Variants in CSPP1 observed in about 807,000 individuals in gnomAD.
The protein encoded by CSPP1 is centrosome and spindle pole-associated protein 1.
Under a neutral mutation model 164.4 loss-of-function variants are expected in CSPP1, and 126 were observed. That is an observed-to-expected ratio of 0.77 (90% confidence interval 0.66 to 0.89). CSPP1 has a LOEUF of 0.89. Ranked by LOEUF, CSPP1 falls within the 40% of genes least tolerant of loss-of-function variation. CSPP1 has a pLI of 0.00. For missense variants in CSPP1, 1,395 were observed against 1,449.8 expected (o/e 0.96, Z 0.61); for synonymous variants, 472 against 476.7 (o/e 0.99, Z 0.13).
chr8:67,076,747 G>T (rs1413104575), intron 3 of CSPP1, among the ~76,000 whole-genome samples, 166 bp downstream of exon 3: 1 of 152,148 alleles, frequency 6.6e-6, no homozygotes, highest in Non-Finnish European at 1.5e-5. Flanking sequence ...AACTCATACT[G>T]AAAACTTTGT....
At chr8:67,121,326 G>C (rs1818930471) in intron 15 of CSPP1, among the ~76,000 whole-genome samples, 1 of 152,026 alleles carries the variant, frequency 6.6e-6, no homozygotes, top group Non-Finnish European at 1.5e-5. Flanking sequence ...CATATATATA[G>C]CTTTTATTAT....
At position 67,164,441 on chromosome 8, in the gene CSPP1, C is replaced by T. The variant is rs776600422; in HGVS notation, c.2761C>T (p.Arg921Cys). The T allele has an allele frequency of 2.5e-6, 4 of 1,606,192 alleles. No individual in the cohort carries two copies. Among genetic ancestry groups the T allele is most frequent in the African/African-American group, 1.3e-5 (1 of 74,880 alleles). ...ATTATCAGAAATGAGAAAACAGCTT[C>T]GTAGTGAAGAGAGGCGTCTACAAGA... ...MELSEMRKQL[R>C]SEERRLQERL... The change falls in exon 24 of 31, where the codon CGT becomes TGT. Residue 921 changes from arginine (R) to cysteine (C), a missense_variant. Coordinates refer to ENST00000678616, the MANE Select transcript of CSPP1 (RefSeq NM_001382391.1).
At chr8:67,157,279 A>G (rs1826846756) in intron 19 of CSPP1, among the ~76,000 whole-genome samples, 1 of 152,046 alleles carries the variant, frequency 6.6e-6, no homozygotes, top group Non-Finnish European at 1.5e-5. Flanking sequence ...AAATCATAGG[A>G]TGTGTTAGAA....
At chr8:67,068,055 G>A (rs976340525) in intron 1 of CSPP1, among the ~76,000 whole-genome samples, 1 of 152,042 alleles carries the variant, frequency 6.6e-6, no homozygotes, top group African/African-American at 2.4e-5. Context: ...TGCTGTGTTA[G>A]CCAGACTGGT....
At chr8:67,125,882 G>C (rs1182061279) in intron 15 of CSPP1, among the ~76,000 whole-genome samples, 1 of 152,068 alleles carries the variant, frequency 6.6e-6, no homozygotes, top group Non-Finnish European at 1.5e-5. Flanking sequence ...GCCCAGGCTG[G>C]AGTGCAGTGG....
At chr8:67,086,211 C>A in intron 4 of CSPP1, 101 bp downstream of exon 4, 1 of 767,210 alleles carries the variant, frequency 1.3e-6, no homozygotes, top group South Asian at 1.4e-5. Flanking sequence ...TTTAGGTTTT[C>A]AGTGGTACTA....
intron 1 of CSPP1, among the ~76,000 whole-genome samples, chr8:67,070,462 CAA>C (rs1211009546): frequency 1.5e-4 from 12 of 79,802 alleles, no homozygotes; most frequent in Admixed American, 2.9e-4. Flanking sequence ...GACTCCATCT[CAA>C]AAAAAAAAAA....
Position 67,095,511 on chromosome 8 carries a change from A to G in CSPP1, c.702A>G (p.Lys234=), listed in dbSNP as rs1235025001. The G allele has an allele frequency of 1.2e-6, 2 of 1,613,824 alleles. No homozygotes were observed. The highest frequency in any genetic ancestry group is 1.7e-6 in the Non-Finnish European group (2 of 1,179,922). ...IELRNRRIIK[K]ANEEVGISNL... ...TAAGGAATAGAAGAATTATTAAAAA[A>G]GCAAATGAAGAAGTGGGCATTTCCA... is the stretch of plus-strand genomic sequence containing the variant. Residue 234 remains lysine, a synonymous_variant, in exon 7 of 31, where the codon AAA becomes AAG. Transcript: ENST00000678616.
At chr8:67,141,943 C>T (rs1190407387) in intron 17 of CSPP1, among the ~76,000 whole-genome samples, 1 of 152,192 alleles carries the variant, frequency 6.6e-6, no homozygotes, top group African/African-American at 2.4e-5. Flanking sequence ...GCTGACTTTT[C>T]TAATTACTCC....
At chr8:67,070,747 A>G (rs929804501) in intron 1 of CSPP1, among the ~76,000 whole-genome samples, 1 of 148,874 alleles carries the variant, frequency 6.7e-6, no homozygotes, top group Non-Finnish European at 1.5e-5. Flanking sequence ...ATATATTTCT[A>G]TTTTTAGTGT....
chr8:67,192,527 A>G (rs1410944352), intron 29 of CSPP1, among the ~76,000 whole-genome samples: 3 of 152,332 alleles, frequency 2.0e-5, no homozygotes, highest in East Asian at 1.9e-4. Flanking sequence ...TTTGAAGCAC[A>G]GAAGTTTTTA....
At chr8:67,164,881 G>C (rs903282187) in intron 24 of CSPP1, among the ~76,000 whole-genome samples, 1 of 152,138 alleles carries the variant, frequency 6.6e-6, no homozygotes, top group African/African-American at 2.4e-5. Flanking sequence ...TCAAACTTCA[G>C]TTTGCACTGT....
At chr8:67,111,009 C>T (rs1442583794) in intron 9 of CSPP1, among the ~76,000 whole-genome samples, 1 of 152,078 alleles carries the variant, frequency 6.6e-6, no homozygotes, top group Non-Finnish European at 1.5e-5. Flanking sequence ...GTTACCTCTA[C>T]GGGAGCTTCA....
intron 9 of CSPP1, among the ~76,000 whole-genome samples, chr8:67,110,789 C>G (rs948009122): frequency 3.3e-5 from 5 of 152,110 alleles, no homozygotes; most frequent in Admixed American, 2.6e-4. Flanking sequence ...CAATTCTGCA[C>G]TACCTATTGT....
intron 15 of CSPP1, among the ~76,000 whole-genome samples, chr8:67,122,857 T>G (rs1415191177): frequency 6.6e-6 from 1 of 151,962 alleles, no homozygotes. Context: ...GTGTGTGTTC[T>G]GATATACAGT....
chr8:67,094,508 G>C (rs1019726361), intron 6 of CSPP1, among the ~76,000 whole-genome samples: 1 of 151,886 alleles, frequency 6.6e-6, no homozygotes, highest in Non-Finnish European at 1.5e-5. Context: ...TCCTGACCTT[G>C]TGATCCGCCT....
At chr8:67,159,838 CTTTCTTTCTTTCTT>C (rs1827448867) in intron 21 of CSPP1, among the ~76,000 whole-genome samples, 2 of 129,320 alleles carry the variant, frequency 1.5e-5, no homozygotes, top group African/African-American at 7.1e-5. Context: ...CTCTTTCTTT[CTTTCTTTCTTTCTT>C]TTTCTTTCTT....
At chr8:67,165,278 T>C (rs981757951) in intron 24 of CSPP1, among the ~76,000 whole-genome samples, 2 of 152,190 alleles carry the variant, frequency 1.3e-5, no homozygotes, top group African/African-American at 4.8e-5. Flanking sequence ...AGTGAGACTC[T>C]GTCTCACGAA....
Position 67,113,874 on chromosome 8 carries a change from TG to T in CSPP1, c.1245+14del, listed in dbSNP as rs760948267. 4 of 1,526,344 alleles carry T rather than the reference TG, an allele frequency of 2.6e-6. No individual in the cohort carries two copies. Among genetic ancestry groups the T allele is most frequent in the Non-Finnish European group, 3.6e-6 (4 of 1,107,856 alleles). 94.6% of individuals were successfully genotyped at this position (1,526,344 alleles called of 1,614,324 possible). On this transcript the variant is annotated intron_variant, in intron 11 of 30. Coordinates refer to ENST00000678616, the MANE Select transcript of CSPP1 (RefSeq NM_001382391.1). ...ACCCTGAGAAATCGGTAAGGGTTTC[TG>T]GCATCTTTTAATGTTTAATCTTTCA...
Sources: allele counts gnomAD v4.1 joint callset (sites outside exome capture counted in the v4.1 genomes callset), GRCh38; gene constraint gnomAD v4.1.1; transcripts MANE v1.5; gene names NCBI Gene and HGNC (gene_info 2026-07-23, HGNC 2026-07-21).